ACTR3C: variants seen among roughly 807,000 people sequenced by gnomAD.
The protein encoded by ACTR3C is actin-related protein 3C.
Under a neutral mutation model 26.3 loss-of-function variants are expected in ACTR3C, and 18 were observed. The ratio of observed to expected loss-of-function variants is 0.68; its 90% CI spans 0.47 to 1.01. The LOEUF (loss-of-function observed/expected upper bound fraction) is 1.01, where lower values mean the gene tolerates loss of function less well. Ranked by LOEUF, ACTR3C falls within the 50% of genes least tolerant of loss-of-function variation. The probability of loss-of-function intolerance (pLI) is 0.00; values close to 1 mark genes in which losing one functional copy is unlikely to be tolerated. For missense variants in ACTR3C, 184 were observed against 250.7 expected (o/e 0.73, Z 1.80); for synonymous variants, 55 against 94.5 (o/e 0.58, Z 2.42).
the ACTR3C span, among the ~76,000 whole-genome samples, chr7:149,988,279 AAGTTCAGCTC>A: frequency 2.1e-4 from 32 of 152,300 alleles, no homozygotes. Context: ...GAGCTTGATT[AAGTTCAGCTC>A]ACACATTTCT....
the ACTR3C span, among the ~76,000 whole-genome samples, chr7:150,235,700 T>C: frequency 6.6e-6 from 1 of 152,208 alleles, no homozygotes; most frequent in African/African-American, 2.4e-5. Context: ...CAACTACATA[T>C]GTTGCTTTTA....
chr7:150,236,595 T>C, the ACTR3C span, among the ~76,000 whole-genome samples: 498 of 152,312 alleles, frequency 3.3e-3, 2 homozygotes, highest in Non-Finnish European at 5.4e-3. Context: ...GCTTTGGCAC[T>C]TTCTGCCATG....
At chr7:150,091,999 A>AAAAAAAAAAAAAAAAAC in the ACTR3C span, among the ~76,000 whole-genome samples, 1 of 131,592 alleles carries the variant, frequency 7.6e-6, no homozygotes, top group Non-Finnish European at 1.6e-5. Context: ...AAAAAAAAAA[A>AAAAAAAAAAAAAAAAAC]AAAAAAAAAA....
At chr7:150,176,614 C>A in the ACTR3C span, among the ~76,000 whole-genome samples, 72 of 150,940 alleles carry the variant, frequency 4.8e-4, 6 homozygotes, top group African/African-American at 1.8e-3. Flanking sequence ...TTATGAGGCT[C>A]CAGGAAGGAC....
At chr7:150,150,237 C>A in the ACTR3C span, among the ~76,000 whole-genome samples, 1 of 152,184 alleles carries the variant, frequency 6.6e-6, no homozygotes, top group Non-Finnish European at 1.5e-5. Flanking sequence ...CTAGACTGAA[C>A]CCCTGGAATT....
chr7:150,079,893 A>T, the ACTR3C span, among the ~76,000 whole-genome samples: 6 of 151,968 alleles, frequency 3.9e-5, 1 homozygote, highest in Non-Finnish European at 1.5e-5. Flanking sequence ...GCACTTGCCC[A>T]TGTGTTACGT....
the ACTR3C span, among the ~76,000 whole-genome samples, chr7:150,177,456 G>T: frequency 1.3e-5 from 2 of 150,754 alleles, no homozygotes; most frequent in Admixed American, 1.3e-4. Flanking sequence ...AATGATAGTT[G>T]TCACTACCTC....
chr7:150,133,167 C>A, the ACTR3C span, among the ~76,000 whole-genome samples: 1 of 152,076 alleles, frequency 6.6e-6, no homozygotes, highest in Non-Finnish European at 1.5e-5. Flanking sequence ...ATGCTCCCAA[C>A]AGGAAATCAG....
chr7:150,106,868 G>A, the ACTR3C span, among the ~76,000 whole-genome samples: 4 of 146,754 alleles, frequency 2.7e-5, no homozygotes, highest in Non-Finnish European at 5.9e-5. Context: ...GAAAGAGGGA[G>A]TATTAACTGT....
intron 6 of ACTR3C, among the ~76,000 whole-genome samples, chr7:150,264,103 C>A (rs1200725032): frequency 1.3e-5 from 2 of 152,188 alleles, no homozygotes; most frequent in Admixed American, 6.5e-5. Context: ...TAAAACAGAG[C>A]CAAGTCACTT....
intron 1 of ACTR3C, among the ~76,000 whole-genome samples, chr7:150,319,208 T>C (rs1469515948): frequency 6.7e-6 from 1 of 149,342 alleles, no homozygotes; most frequent in Non-Finnish European, 1.5e-5. Context: ...GCTTCTTCTT[T>C]TTTTTTTTTT....
the ACTR3C span, among the ~76,000 whole-genome samples, chr7:150,081,095 CAGCTATTGA>C: frequency 6.6e-6 from 1 of 151,898 alleles, no homozygotes; most frequent in African/African-American, 2.4e-5. Flanking sequence ...AAAGAATGAT[CAGCTATTGA>C]AGCTAGTTAC....
At chr7:150,116,289 A>T in the ACTR3C span, among the ~76,000 whole-genome samples, 6 of 152,188 alleles carry the variant, frequency 3.9e-5, no homozygotes, top group Non-Finnish European at 7.3e-5. Flanking sequence ...CTGAAGTTGC[A>T]CCTGCTCCAA....
the ACTR3C span, among the ~76,000 whole-genome samples, chr7:150,193,848 T>A: frequency 6.6e-6 from 1 of 151,960 alleles, no homozygotes; most frequent in Non-Finnish European, 1.5e-5. Context: ...TCTATCTTGG[T>A]GAATAATCCA....
chr7:150,045,671 C>T, the ACTR3C span, among the ~76,000 whole-genome samples: 1 of 151,676 alleles, frequency 6.6e-6, no homozygotes, highest in Admixed American at 6.6e-5. Context: ...CTCAGGACAC[C>T]TGTGTTTATG....
chr7:150,304,992 A>G (rs1013800966), intron 1 of ACTR3C, among the ~76,000 whole-genome samples: 6 of 152,070 alleles, frequency 3.9e-5, no homozygotes, highest in African/African-American at 1.4e-4. Context: ...CGGGCTCCTT[A>G]ATGAGTACTG....
intron 1 of ACTR3C, among the ~76,000 whole-genome samples, chr7:150,308,207 C>A (rs1173748287): frequency 6.6e-6 from 1 of 152,088 alleles, no homozygotes; most frequent in Non-Finnish European, 1.5e-5. Context: ...GTCTCTACCC[C>A]CTCTTTTCTT....
the ACTR3C span, among the ~76,000 whole-genome samples, chr7:149,994,774 A>ATGTTTACT: frequency 1.3e-5 from 2 of 151,812 alleles, no homozygotes; most frequent in African/African-American, 2.4e-5. Context: ...TAGAAATCCA[A>ATGTTTACT]TGTTTACTGA....
the ACTR3C span, among the ~76,000 whole-genome samples, chr7:150,057,867 G>A: frequency 1.3e-5 from 2 of 152,194 alleles, no homozygotes. Context: ...GCTATAGGAA[G>A]AGAATAAAAG....
Sources: allele counts gnomAD v4.1 joint callset (sites outside exome capture counted in the v4.1 genomes callset), GRCh38; gene constraint gnomAD v4.1.1; transcripts MANE v1.5; gene names NCBI Gene and HGNC (gene_info 2026-07-23, HGNC 2026-07-21).